Variants in BMP7 observed in about 807,000 individuals in gnomAD.
BMP7 encodes the protein osteogenic protein 1.
BMP7 carries 12 observed loss-of-function variants against 41.2 expected under a neutral mutation model. That is an observed-to-expected ratio of 0.29 (90% CI 0.19 to 0.47). BMP7 has a LOEUF of 0.47. Among genes scored for constraint, BMP7 ranks in the 20% least tolerant of loss-of-function variants. The pLI, the probability that BMP7 is intolerant of heterozygous loss-of-function variation, is 0.99. For missense variants in BMP7, 467 were observed against 606.0 expected (o/e 0.77, Z 2.41); for synonymous variants, 248 against 250.0 (o/e 0.99, Z 0.07).
intron 3 of BMP7, among the ~76,000 whole-genome samples, chr20:57,192,286 A>G (rs1316373314): frequency 1.5e-5 from 2 of 137,032 alleles, no homozygotes; most frequent in Non-Finnish European, 3.0e-5. Flanking sequence ...ACTATAATAT[A>G]TATAGTATAT....
intron 1 of BMP7, among the ~76,000 whole-genome samples, chr20:57,263,501 A>G (rs2066161715): frequency 6.6e-6 from 1 of 152,190 alleles, no homozygotes; most frequent in South Asian, 2.1e-4. Context: ...CCTAGCCCAC[A>G]CTGCCGGCCC....
At chr20:57,192,015 A>AT in intron 3 of BMP7, among the ~76,000 whole-genome samples, 1 of 125,144 alleles carries the variant, frequency 8.0e-6, no homozygotes, top group Non-Finnish European at 1.6e-5. Flanking sequence ...AATATATATT[A>AT]TATATAATAT....
At position 57,171,271 on chromosome 20, in the gene BMP7, C is replaced by G. The variant is rs1983811180; in HGVS notation, c.1147-163G>C. 1.3e-5 allele frequency among the ~76,000 whole-genome samples: 2 copies of G among 152,220 alleles called. No individual in the cohort carries two copies. The highest frequency in any genetic ancestry group is 1.3e-4 in the Admixed American group (2 of 15,288). On this transcript the variant is annotated intron_variant, in intron 6 of 6. Transcript: ENST00000395863. This position sits in a 1 kb window ranked among gnomAD's most constrained non-coding sequence, Gnocchi z 4.5. Reference sequence around the variant, plus strand: ...TGTTCTAAGCACTTTACATGGACAACTCAGTTCTGGGATTATCCCTGTTTT... The same window carrying G: ...TGTTCTAAGCACTTTACATGGACAAGTCAGTTCTGGGATTATCCCTGTTTT...
chr20:57,262,028 C>T lies in BMP7; in HGVS notation c.418+3677G>A, dbSNP rs111961959. On this transcript the variant is annotated intron_variant, in intron 1 of 6. Transcript: ENST00000395863. ...GACTCCAATAATGATAGGTTTCCAA[C>T]TTTCTCTTCTTTTCCTTCAAAGATT... Among the ~76,000 whole-genome samples the T allele has an allele frequency of 7.9e-5, 12 of 152,342 alleles. 1 individual carries two copies. The highest frequency in any genetic ancestry group is 2.9e-4 in the African/African-American group (12 of 41,574).
rs1489899159 is a variant in BMP7 at position 57,174,069 on chromosome 20, G to A, written c.1036-759C>T. On this transcript the variant is annotated intron_variant, in intron 5 of 6. Transcript: ENST00000395863. This position sits in a 1 kb window ranked among gnomAD's most constrained non-coding sequence, Gnocchi z 4.3. ...GCAGGTGGATGTGGTCATCAGTCCTGAGGGCAGGCTCACAGGAGGGCTCAG... is the reference window on the plus strand; with the variant it reads ...GCAGGTGGATGTGGTCATCAGTCCTAAGGGCAGGCTCACAGGAGGGCTCAG... Among the ~76,000 whole-genome samples the A allele has an allele frequency of 6.6e-6, 1 of 152,178 alleles. No homozygotes were observed. The highest frequency in any genetic ancestry group is 2.4e-5 in the African/African-American group (1 of 41,430).
chr20:57,206,261 G>A (rs113850715), intron 2 of BMP7, among the ~76,000 whole-genome samples: 12 of 152,108 alleles, frequency 7.9e-5, no homozygotes, highest in Non-Finnish European at 5.9e-5. Context: ...ACCTAAATGC[G>A]TTCTTTCACC....
intron 4 of BMP7, among the ~76,000 whole-genome samples, chr20:57,179,528 C>G (rs1217104558): frequency 1.3e-5 from 2 of 152,236 alleles, no homozygotes; most frequent in African/African-American, 2.4e-5. Context: ...CGTGAAGCCC[C>G]GGGGGAGGGG....
chr20:57,239,943 C>T (rs2123128367), intron 1 of BMP7, among the ~76,000 whole-genome samples: 1 of 152,296 alleles, frequency 6.6e-6, no homozygotes, highest in Non-Finnish European at 1.5e-5. Flanking sequence ...CCTGGGCCTC[C>T]AGGCCTGTGA....
chr20:57,254,697 G>A (rs532584759), intron 1 of BMP7, among the ~76,000 whole-genome samples: 1 of 151,846 alleles, frequency 6.6e-6, no homozygotes, highest in East Asian at 1.9e-4. Context: ...CTGCGCTGGG[G>A]CGACTATTCC....
At position 57,169,413 on chromosome 20, in the gene BMP7, C is replaced by G. The variant is rs1475240788; in HGVS notation, c.*1546G>C. The G allele has an allele frequency of 6.6e-6, 1 of 152,226 alleles. No homozygotes were observed. The highest frequency in any genetic ancestry group is 1.5e-5 in the Non-Finnish European group (1 of 68,052). The allele number at this position is 152,226 out of a possible 1,614,324, so 9.4% of individuals were successfully genotyped here. ...CATACTATTTATGGGACTCACCAGC[C>G]AAGGCAAGGCAGGCTTACACCAAGA... is the stretch of plus-strand genomic sequence containing the variant. On this transcript the variant is annotated 3_prime_UTR_variant, in exon 7 of 7. Transcript: ENST00000395863.
intron 1 of BMP7, among the ~76,000 whole-genome samples, chr20:57,252,306 G>C (rs1042937249): frequency 6.6e-6 from 1 of 152,220 alleles, no homozygotes; most frequent in African/African-American, 2.4e-5. Flanking sequence ...GTTGTGGGCT[G>C]GAGTTGGCCC....
At chr20:57,233,900 T>G (rs1434778954) in intron 1 of BMP7, among the ~76,000 whole-genome samples, 1 of 152,228 alleles carries the variant, frequency 6.6e-6, no homozygotes, top group African/African-American at 2.4e-5. Flanking sequence ...TACATCATAA[T>G]GCACAAAACT....
intron 3 of BMP7, among the ~76,000 whole-genome samples, chr20:57,196,655 C>G (rs979919355): frequency 2.6e-5 from 4 of 152,186 alleles, no homozygotes; most frequent in African/African-American, 9.7e-5. Context: ...CACGAAAACA[C>G]TATAATGTCT....
intron 4 of BMP7, among the ~76,000 whole-genome samples, chr20:57,182,638 G>A (rs1984111706): frequency 1.3e-5 from 2 of 152,338 alleles, no homozygotes; most frequent in Admixed American, 1.3e-4. Context: ...CCTACACTGT[G>A]CCCTTAGACA....
At chr20:57,173,631 C>A (rs929808899) in intron 5 of BMP7, 4 of 440,778 alleles carry the variant, frequency 9.1e-6, no homozygotes, top group Non-Finnish European at 1.6e-5. Context: ...GAGCAAGACC[C>A]CATTTCTAAA....
intron 2 of BMP7, among the ~76,000 whole-genome samples, chr20:57,203,175 G>T (rs1343606099): frequency 6.6e-6 from 1 of 152,178 alleles, no homozygotes; most frequent in African/African-American, 2.4e-5. Flanking sequence ...CTGTGTACCA[G>T]AGCAGATACT....
At chr20:57,205,337 G>C (rs1600622344) in intron 2 of BMP7, among the ~76,000 whole-genome samples, 2 of 152,122 alleles carry the variant, frequency 1.3e-5, no homozygotes, top group East Asian at 3.8e-4. Flanking sequence ...TCTTCCCCAT[G>C]CTCTTTTAGA....
chr20:57,193,717 G>C (rs937421370), intron 3 of BMP7, among the ~76,000 whole-genome samples: 1 of 152,174 alleles, frequency 6.6e-6, no homozygotes, highest in African/African-American at 2.4e-5. Context: ...CATATAATGA[G>C]AGACATCATG....
At chr20:57,184,023 T>G (rs1229493971) in intron 3 of BMP7, 104 bp from the exon 4 acceptor site, 11 of 1,285,090 alleles carry the variant, frequency 8.6e-6, no homozygotes, top group African/African-American at 1.5e-5. Context: ...CATGAACTCC[T>G]TATTCCTCCA....
Sources: gnomAD v4.1 joint callset for allele counts (sites outside exome capture counted in the v4.1 genomes callset) on GRCh38, gnomAD v4.1.1 for gene constraint, Gnocchi (gnomAD v3.1) non-coding constraint, MANE v1.5 for transcripts, NCBI Gene and HGNC (gene_info 2026-07-23, HGNC 2026-07-21) for gene names.